The following SCD5 variants were observed in gnomAD, a reference collection of about 807,000 sequenced individuals.
The protein encoded by SCD5 is acyl-CoA-desaturase 4.
SCD5 carries 20 observed loss-of-function variants against 30.4 expected under a neutral mutation model. The ratio of observed to expected loss-of-function variants is 0.66; its 90% CI spans 0.46 to 0.96. The LOEUF (loss-of-function observed/expected upper bound fraction) is 0.96. Ranked by LOEUF, SCD5 falls within the 40% of genes least tolerant of loss-of-function variation. The probability of loss-of-function intolerance (pLI) is 0.00; values close to 1 mark genes in which losing one functional copy is unlikely to be tolerated. For synonymous variants in SCD5, 173 were observed against 176.4 expected (o/e 0.98, Z 0.16); for missense variants, 381 against 443.3 (o/e 0.86, Z 1.26).
rs1328108959 is a variant in SCD5, at chr4:82,798,505, G to A, written c.33C>T (p.Ile11=). ...TTTCTTCCTTGGCGTCGCAGAAAGG[G>A]ATCTTCCCCGCGTCGGTGGCCGGGC... MPGPATDAGK[I]PFCDAKEEIR... The change falls in exon 1 of 5, where the codon ATC becomes ATT. Residue 11 remains isoleucine, a synonymous_variant. Coordinates refer to ENST00000319540, the MANE Select transcript of SCD5 (RefSeq NM_001037582.3). 3.7e-6 allele frequency: 6 copies of A among 1,607,684 alleles called. No individual in the cohort carries two copies. The African/African-American group carries it at 8.0e-5, about 22-fold the overall frequency.
In SCD5 at chr4:82,631,182, TA is replaced by T; in HGVS notation, c.*144del. The T allele has an allele frequency of 1.7e-6, 1 of 591,660 alleles. No individual in the cohort carries two copies. The highest frequency in any genetic ancestry group is 2.7e-6 in the Non-Finnish European group (1 of 366,474). 36.7% of individuals were successfully genotyped at this position (591,660 alleles called of 1,614,324 possible). ...ATTGTATTTCAACATTATTTTGAGATAAACAAAAACATTCCCAAACCACATT... is the reference window on the plus strand; with the variant it reads ...ATTGTATTTCAACATTATTTTGAGATAACAAAAACATTCCCAAACCACATT... On this transcript the variant is annotated 3_prime_UTR_variant, in exon 5 of 5. Transcript: ENST00000319540.
intron 2 of SCD5, among the ~76,000 whole-genome samples, chr4:82,683,608 A>G (rs1244731698): frequency 6.6e-6 from 1 of 152,178 alleles, no homozygotes; most frequent in Non-Finnish European, 1.5e-5. Context: ...TTAAAAGGTT[A>G]TATTGGCTTG....
chr4:82,762,261 A>ATT (rs111938937), intron 1 of SCD5, among the ~76,000 whole-genome samples: 12 of 137,834 alleles, frequency 8.7e-5, no homozygotes, highest in Admixed American at 1.5e-4. Flanking sequence ...CAAGGGGCTA[A>ATT]TTTTTTTTTT....
At chr4:82,698,379 CAA>C (rs1191432699) in intron 2 of SCD5, among the ~76,000 whole-genome samples, 1 of 152,208 alleles carries the variant, frequency 6.6e-6, no homozygotes, top group African/African-American at 2.4e-5. Context: ...GCCTCGCACA[CAA>C]GTCTCCCTCC....
chr4:82,660,942 A>G (rs1727988663), intron 3 of SCD5: 7 of 1,614,204 alleles, frequency 4.3e-6, no homozygotes, highest in Non-Finnish European at 5.9e-6. Context: ...AGTGGTTACA[A>G]TGAGTATGTA....
intron 1 of SCD5, among the ~76,000 whole-genome samples, chr4:82,730,965 T>G (rs139525353): frequency 0.01 from 1,588 of 152,290 alleles, 26 homozygotes; most frequent in African/African-American, 0.034. Flanking sequence ...AATCAAGAGC[T>G]GACAGTCTCA....
At chr4:82,795,811 A>C in intron 1 of SCD5, among the ~76,000 whole-genome samples, 1 of 139,446 alleles carries the variant, frequency 7.2e-6, no homozygotes, top group Non-Finnish European at 1.5e-5. Flanking sequence ...CTGTCTCACA[A>C]AAAAAAAAAA....
intron 1 of SCD5, among the ~76,000 whole-genome samples, chr4:82,749,349 A>G (rs1299943237): frequency 6.6e-6 from 1 of 152,224 alleles, no homozygotes; most frequent in Non-Finnish European, 1.5e-5. Flanking sequence ...TCACCCTGGT[A>G]GGGAAAAAGC....
intron 3 of SCD5, among the ~76,000 whole-genome samples, chr4:82,644,194 C>A (rs1408413486): frequency 6.6e-6 from 1 of 152,182 alleles, no homozygotes; most frequent in Non-Finnish European, 1.5e-5. Context: ...CCCCTAATGA[C>A]TGCACATCGG....
rs775411088 is a variant in SCD5, at chr4:82,636,584, T to A, written c.802+7A>T. 6.2e-7 allele frequency: 1 copy of A among 1,610,650 alleles called. No homozygotes were observed. Among genetic ancestry groups the A allele is most frequent in the Non-Finnish European group, 8.5e-7 (1 of 1,178,070 alleles). On this transcript the variant is annotated splice_region_variant and intron_variant, in intron 4 of 4. Transcript: ENST00000319540. ...TCTCCCCATTGGCCCTCAACACCCCTACTCACCAATGGCACCCAGAGCGAC... is the reference window on the plus strand; with the variant it reads ...TCTCCCCATTGGCCCTCAACACCCCAACTCACCAATGGCACCCAGAGCGAC...
rs761642511 is a variant in SCD5, at chr4:82,798,492, C to A, written c.46G>T (p.Ala16Ser). The A allele has an allele frequency of 6.2e-7, 1 of 1,611,018 alleles. No homozygotes were observed. The highest frequency in any genetic ancestry group is 2.2e-5 in the East Asian group (1 of 44,700). ...AGCCCGGCACGGATTTCTTCCTTGG[C>A]GTCGCAGAAAGGGATCTTCCCCGCG... ...TDAGKIPFCD[A>S]KEEIRAGLES... The change falls in exon 1 of 5, where the codon GCC (alanine) becomes TCC (serine). Residue 16 changes from alanine to serine, a missense_variant. Transcript: ENST00000319540.
intron 1 of SCD5, among the ~76,000 whole-genome samples, chr4:82,743,895 A>G (rs1720932788): frequency 6.6e-6 from 1 of 150,838 alleles, no homozygotes; most frequent in African/African-American, 2.4e-5. Flanking sequence ...CAGTGGCACA[A>G]TCTCGGCTCA....
rs1332676650 is a variant in SCD5, at chr4:82,680,737, A to G, written c.539T>C (p.Leu180Pro). ...CTGGATCCGGACCACAGGATCAGCA[A>G]GCAGGTCAGTGACGTCAAGCTTTCT... ...KGRKLDVTDLLADPVVRIQRK... is the reference protein window; with the variant it reads ...KGRKLDVTDLPADPVVRIQRK... The change falls in exon 3 of 5, where the codon CTT becomes CCT. Residue 180 changes from leucine (L) to proline (P), a missense_variant. By Grantham distance (98) the Leu-to-Pro change is moderately conservative. Transcript: ENST00000319540. 2 of 1,614,142 alleles carry G rather than the reference A, an allele frequency of 1.2e-6. No individual in the cohort carries two copies. Among genetic ancestry groups the G allele is most frequent in the Admixed American group, 3.3e-5 (2 of 60,028 alleles).
chr4:82,697,330 G>A (rs777812499), intron 2 of SCD5, among the ~76,000 whole-genome samples: 7 of 152,218 alleles, frequency 4.6e-5, no homozygotes, highest in Admixed American at 2.0e-4. Flanking sequence ...AAAGTATTGC[G>A]GTTTTTTTGG....
intron 1 of SCD5, among the ~76,000 whole-genome samples, chr4:82,782,835 A>G (rs1007822743): frequency 2.6e-5 from 4 of 152,252 alleles, no homozygotes; most frequent in African/African-American, 9.6e-5. Context: ...GGCTATTCAC[A>G]TGCCTAAAAT....
At chr4:82,725,626 G>A (rs146809935) in intron 1 of SCD5, among the ~76,000 whole-genome samples, 102 of 152,256 alleles carry the variant, frequency 6.7e-4, no homozygotes, top group African/African-American at 2.3e-3. Context: ...CTGGGAAGCT[G>A]AGGTGGGCAG....
In SCD5 at chr4:82,798,650, G is replaced by C. The variant is rs1578073631; in HGVS notation, c.-113C>G. On this transcript the variant is annotated 5_prime_UTR_variant, in exon 1 of 5. Coordinates refer to ENST00000319540, the MANE Select transcript of SCD5 (RefSeq NM_001037582.3). Reference sequence around the variant, plus strand: ...CCTTTTAGGGGGGAATTCTCCGCACGTCCAGTCCCCTCCTTCCAGCCCTTC... The same window carrying C: ...CCTTTTAGGGGGGAATTCTCCGCACCTCCAGTCCCCTCCTTCCAGCCCTTC... 2 of 883,244 alleles carry C rather than the reference G, an allele frequency of 2.3e-6. No individual in the cohort carries two copies. 54.7% of individuals were successfully genotyped at this position (883,244 alleles called of 1,614,324 possible).
At chr4:82,691,228 G>A (rs1271728373) in intron 2 of SCD5, among the ~76,000 whole-genome samples, 3 of 152,184 alleles carry the variant, frequency 2.0e-5, no homozygotes, top group Non-Finnish European at 4.4e-5. Context: ...GTTTCATCAT[G>A]TTGGCCAGGC....
At chr4:82,739,072 T>C (rs1003950611) in intron 1 of SCD5, among the ~76,000 whole-genome samples, 12 of 152,210 alleles carry the variant, frequency 7.9e-5, no homozygotes, top group African/African-American at 2.7e-4. Context: ...AATAATAATC[T>C]TACCCCTACT....
Sources: allele counts gnomAD v4.1 joint callset (sites outside exome capture counted in the v4.1 genomes callset), GRCh38; gene constraint gnomAD v4.1.1; transcripts MANE v1.5; gene names NCBI Gene and HGNC (gene_info 2026-07-23, HGNC 2026-07-21).